Variants in PLCH1 observed in about 807,000 individuals in gnomAD.
PLCH1 encodes 1-phosphatidylinositol 4,5-bisphosphate phosphodiesterase eta-1.
PLCH1 carries 60 observed loss-of-function variants against 126.7 expected under a neutral mutation model. The ratio of observed to expected loss-of-function variants is 0.47; its 90% confidence interval spans 0.38 to 0.59. The LOEUF is 0.59. PLCH1 is among the 20% of genes least tolerant of loss of function. The pLI, the probability that PLCH1 is intolerant of heterozygous loss-of-function variation, is 0.00. For missense variants in PLCH1, 1,723 were observed against 2,040.0 expected, an observed-to-expected ratio of 0.84 and a Z score of 2.99; for synonymous variants, 719 against 734.9, an observed-to-expected ratio of 0.98 and a Z score of 0.35.
At chr3:155,703,789 G>A (rs1228655453) in intron 2 of PLCH1, among the ~76,000 whole-genome samples, 1 of 152,158 alleles carries the variant, frequency 6.6e-6, no homozygotes, top group Non-Finnish European at 1.5e-5. Context: ...GCATTGACTG[G>A]TGATCCACAA....
At chr3:155,577,755 A>C (rs1266119513) in intron 6 of PLCH1, among the ~76,000 whole-genome samples, 1 of 152,216 alleles carries the variant, frequency 6.6e-6, no homozygotes, top group Admixed American at 6.5e-5. Context: ...CAAAACTAAA[A>C]TGAGAGAAGA....
intron 12 of PLCH1, among the ~76,000 whole-genome samples, chr3:155,509,186 C>A (rs200402948): frequency 7.4e-6 from 1 of 135,258 alleles, no homozygotes; most frequent in Non-Finnish European, 1.5e-5. Context: ...CATTTCTGTG[C>A]GATCAGTGGT....
chr3:155,588,861 C>A (rs928561742), intron 4 of PLCH1, among the ~76,000 whole-genome samples: 1 of 152,118 alleles, frequency 6.6e-6, no homozygotes, highest in African/African-American at 2.4e-5. Flanking sequence ...TATCAAGGAG[C>A]ACAACTTTTA....
intron 2 of PLCH1, among the ~76,000 whole-genome samples, chr3:155,631,758 G>C (rs1738053788): frequency 6.6e-6 from 1 of 152,154 alleles, no homozygotes; most frequent in South Asian, 2.1e-4. Flanking sequence ...AAATCTCAAA[G>C]AAACATTTGC....
intron 7 of PLCH1, among the ~76,000 whole-genome samples, chr3:155,566,173 A>G (rs1326187011): frequency 8.9e-5 from 6 of 67,086 alleles, no homozygotes; most frequent in African/African-American, 1.8e-4. Flanking sequence ...ACATATATAC[A>G]CATATATACA....
intron 8 of PLCH1, among the ~76,000 whole-genome samples, chr3:155,564,422 G>T (rs1294934083): frequency 6.6e-6 from 1 of 152,000 alleles, no homozygotes; most frequent in African/African-American, 2.4e-5. Flanking sequence ...AAAATTAGTT[G>T]GGTGTGGTGG....
Position 155,632,545 on chromosome 3 carries a change from T to C in PLCH1, c.80-36167A>G, listed in dbSNP as rs558249484. On this transcript the variant is annotated intron_variant, in intron 2 of 22. Coordinates refer to ENST00000460012, the MANE Select transcript of PLCH1 (RefSeq NM_014996.4). ...TCTTCTGTATTGAGATGACTAGGCC[T>C]ATGTCAATTTAACTGTGTCTCTATA... 1.2e-3 allele frequency among the ~76,000 whole-genome samples: 185 copies of C among 152,344 alleles called. 2 individuals are homozygous for C. The highest frequency in any genetic ancestry group is 4.0e-3 in the African/African-American group (168 of 41,582).
chr3:155,526,780 T>C lies in PLCH1; in HGVS notation c.1363-2776A>G, dbSNP rs558316505. Among the ~76,000 whole-genome samples the C allele has an allele frequency of 1.4e-4, 21 of 152,324 alleles. 1 individual carries two copies. The highest frequency in any genetic ancestry group is 4.8e-4 in the African/African-American group (20 of 41,580). The stretch of plus-strand genomic sequence containing the variant: ...ACCCAGGTTCCTGACCTACAGGGAC[T>C]GTGGAATATTCAATGTTTGTTTTAA... On this transcript the variant is annotated intron_variant, in intron 10 of 22. Transcript: ENST00000460012.
chr3:155,571,192 G>T (rs1467683842), intron 6 of PLCH1, among the ~76,000 whole-genome samples: 1 of 152,116 alleles, frequency 6.6e-6, no homozygotes, highest in African/African-American at 2.4e-5. Flanking sequence ...TTATGGCTAT[G>T]ATTCTCAACA....
At chr3:155,678,640 T>TACGA (rs998799235) in intron 2 of PLCH1, among the ~76,000 whole-genome samples, 3 of 152,202 alleles carry the variant, frequency 2.0e-5, no homozygotes, top group Non-Finnish European at 4.4e-5. Flanking sequence ...GAAGGTCATG[T>TACGA]ACGATGTCAA....
At chr3:155,593,568 T>C (rs1296366078) in intron 4 of PLCH1, among the ~76,000 whole-genome samples, 1 of 152,200 alleles carries the variant, frequency 6.6e-6, no homozygotes, top group Non-Finnish European at 1.5e-5. Flanking sequence ...TTTTCTCTAA[T>C]CCAAATCAGT....
intron 14 of PLCH1, among the ~76,000 whole-genome samples, chr3:155,499,466 C>T (rs894638222): frequency 2.0e-5 from 3 of 152,188 alleles, no homozygotes; most frequent in East Asian, 1.9e-4. Flanking sequence ...TAAGACATTC[C>T]GTGATATGGA....
chr3:155,576,075 GA>G (rs1173291316), intron 6 of PLCH1, among the ~76,000 whole-genome samples: 1 of 152,036 alleles, frequency 6.6e-6, no homozygotes, highest in African/African-American at 2.4e-5. Context: ...AAGGGGATGG[GA>G]AAATGAAATC....
At chr3:155,660,586 T>C (rs1157346656) in intron 2 of PLCH1, among the ~76,000 whole-genome samples, 2 of 152,224 alleles carry the variant, frequency 1.3e-5, no homozygotes, top group Non-Finnish European at 2.9e-5. Flanking sequence ...AATTTTAAAG[T>C]GATCTAACTA....
Position 155,461,412 on chromosome 3 carries a change from T to C in PLCH1, c.2938+23944A>G, listed in dbSNP as rs137996676. ...TAACTGCAGTTGGAGCTACCCATCA[T>C]GAGCATGGTCTTAATAGAAACGCCC... On this transcript the variant is annotated intron_variant, in intron 21 of 21. Coordinates refer to the PLCH1 transcript ENST00000494598. Among the ~76,000 whole-genome samples the C allele has an allele frequency of 3.0e-3, 455 of 152,340 alleles. 2 individuals carry two copies. Among genetic ancestry groups the C allele is most frequent in the African/African-American group, 9.6e-3 (401 of 41,584 alleles).
At chr3:155,570,640 G>A (rs7630469) in intron 6 of PLCH1, among the ~76,000 whole-genome samples, 23,361 of 152,046 alleles carry the variant, frequency 0.15, 3,130 homozygotes, top group African/African-American at 0.37. Context: ...TCCCTGCCTT[G>A]TAGATAGAAA....
At position 155,490,776 on chromosome 3, in the gene PLCH1, C is replaced by G. The variant is rs1429436078; in HGVS notation, c.2392+8G>C. 3 of 1,444,810 alleles carry G rather than the reference C, an allele frequency of 2.1e-6. No homozygotes were observed. Among genetic ancestry groups the G allele is most frequent in the Non-Finnish European group, 2.9e-6 (3 of 1,027,508 alleles). 89.5% of individuals were successfully genotyped at this position (1,444,810 alleles called of 1,614,324 possible). A position where few individuals can be genotyped will look rare whatever the true frequency, so the allele number is the denominator to read the frequency against. On this transcript the variant is annotated splice_region_variant and intron_variant, in intron 19 of 22. Coordinates refer to ENST00000460012, the MANE Select transcript of PLCH1 (RefSeq NM_014996.4). ...TCATTAAAAAGTGAACACAGATTAC[C>G]ATCTTACCATTGTCATCTACCACAC...
chr3:155,485,931 T>G, intron 21 of PLCH1: 2 of 601,150 alleles, frequency 3.3e-6, no homozygotes, highest in Non-Finnish European at 5.9e-6. Context: ...CATTCTTACA[T>G]CAAGCTTTCC....
At chr3:155,697,792 C>T (rs966757725) in intron 2 of PLCH1, among the ~76,000 whole-genome samples, 1 of 152,142 alleles carries the variant, frequency 6.6e-6, no homozygotes, top group African/African-American at 2.4e-5. Context: ...GGCAGGTCCT[C>T]TCAGGAGGGT....
Sources: gnomAD v4.1 joint callset for allele counts (sites outside exome capture counted in the v4.1 genomes callset) on GRCh38, gnomAD v4.1.1 for gene constraint, MANE v1.5 for transcripts, NCBI Gene and HGNC (gene_info 2026-07-23, HGNC 2026-07-21) for gene names.